The following TUBGCP3 variants were observed in gnomAD, a reference collection of about 807,000 sequenced individuals.
TUBGCP3 encodes gamma-tubulin complex component 3.
In TUBGCP3, 50 loss-of-function variants were observed where a neutral mutation model predicts 123.1. The observed-to-expected ratio is 0.41, with a 90% CI of 0.32 to 0.51. The LOEUF (loss-of-function observed/expected upper bound fraction) is 0.51, where lower values mean the gene tolerates loss of function less well. TUBGCP3 is among the 20% of genes least tolerant of loss of function. The pLI, the probability that TUBGCP3 is intolerant of heterozygous loss-of-function variation, is 0.36. For synonymous variants in TUBGCP3, 405 were observed against 413.9 expected, an observed-to-expected ratio of 0.98 and a Z score of 0.26; for missense variants, 882 against 1,127.0, an observed-to-expected ratio of 0.78 and a Z score of 3.11.
chr13:112,489,835 A>G (rs1262824260), intron 20 of TUBGCP3, 138 bp from the exon 21 acceptor site: 3 of 642,918 alleles, frequency 4.7e-6, no homozygotes, highest in Non-Finnish European at 8.2e-6. Flanking sequence ...CTTTCACAAT[A>G]ATTTTCTGAT....
intron 19 of TUBGCP3, among the ~76,000 whole-genome samples, 191 bp from the exon 20 acceptor site, chr13:112,499,376 G>A (rs566785387): frequency 6.6e-6 from 1 of 152,288 alleles, no homozygotes; most frequent in South Asian, 2.1e-4. Context: ...GCTGTGCTGG[G>A]CACCAGCAAA....
At chr13:112,490,023 T>C (rs1879971349) in intron 20 of TUBGCP3, among the ~76,000 whole-genome samples, 1 of 152,090 alleles carries the variant, frequency 6.6e-6, no homozygotes, top group Non-Finnish European at 1.5e-5. Flanking sequence ...CCTCGTGCTG[T>C]ACACGTTTTT....
rs1470624963 is a variant in TUBGCP3, at chr13:112,508,115, G to T, written c.2087-3401C>A. ...TCACTCCCAGCCTCAGCATCCCGCA[G>T]CCCTGGCCCCACCAGGTTTGCATTG... On this transcript the variant is annotated intron_variant, in intron 17 of 21. Transcript: ENST00000261965. The surrounding 1 kb of genome is among the most constrained non-coding windows in gnomAD (Gnocchi z 4.2). 1.3e-5 allele frequency among the ~76,000 whole-genome samples: 2 copies of T among 152,066 alleles called. No individual in the cohort carries two copies. The highest frequency in any genetic ancestry group is 4.8e-5 in the African/African-American group (2 of 41,402).
rs1876433704 is a variant in TUBGCP3, at chr13:112,519,498, C to T, written c.1881+388G>A. ...CCTACCAAACTGCAACTAAAAGCATCCATTTTCTGATAAATACCATCGTAC... is the reference window on the plus strand; with the variant it reads ...CCTACCAAACTGCAACTAAAAGCATTCATTTTCTGATAAATACCATCGTAC... On this transcript the variant is annotated intron_variant, in intron 15 of 21. Coordinates refer to ENST00000261965, the MANE Select transcript of TUBGCP3 (RefSeq NM_006322.6). This position sits in a 1 kb window ranked among gnomAD's most constrained non-coding sequence, Gnocchi z 6.2. 6.6e-6 allele frequency among the ~76,000 whole-genome samples: 1 copy of T among 152,224 alleles called. No individual in the cohort carries two copies. The highest frequency in any genetic ancestry group is 2.4e-5 in the African/African-American group (1 of 41,456).
chr13:112,499,965 T>C (rs1355020229), intron 19 of TUBGCP3, among the ~76,000 whole-genome samples: 3 of 151,764 alleles, frequency 2.0e-5, no homozygotes, highest in Non-Finnish European at 4.4e-5. Context: ...ATAGAGCAAA[T>C]ACATTAAAGC....
At chr13:112,487,859 T>C (rs771597563) in intron 21 of TUBGCP3, among the ~76,000 whole-genome samples, 6 of 152,086 alleles carry the variant, frequency 3.9e-5, no homozygotes, top group East Asian at 1.9e-4. Flanking sequence ...GGGCCGGGCA[T>C]GGTGGCTCAT....
intron 8 of TUBGCP3, among the ~76,000 whole-genome samples, chr13:112,551,038 G>A (rs1879533970): frequency 6.6e-6 from 1 of 152,160 alleles, no homozygotes; most frequent in Non-Finnish European, 1.5e-5. Context: ...GGCGGAGCTT[G>A]CAGTGAGCCG....
intron 1 of TUBGCP3, 115 bp downstream of exon 1, chr13:112,587,790 C>T (rs755220291): frequency 3.2e-6 from 3 of 941,824 alleles, no homozygotes; most frequent in Non-Finnish European, 4.5e-6. Flanking sequence ...GTCCCCCAGC[C>T]CTCTGCCCGG....
chr13:112,566,610 A>G (rs575793577), intron 2 of TUBGCP3, among the ~76,000 whole-genome samples: 3 of 152,382 alleles, frequency 2.0e-5, no homozygotes, highest in South Asian at 2.1e-4. Context: ...AAAATTTAAT[A>G]TAATTTACTG....
intron 8 of TUBGCP3, 59 bp downstream of exon 8, chr13:112,553,998 T>A: frequency 1.3e-6 from 2 of 1,575,224 alleles, no homozygotes; most frequent in Non-Finnish European, 1.7e-6. Context: ...AGATTTCAAC[T>A]AGAGTAAGCG....
chr13:112,516,717 G>T, intron 16 of TUBGCP3, 142 bp from the exon 17 acceptor site: 2 of 995,820 alleles, frequency 2.0e-6, no homozygotes, highest in Non-Finnish European at 2.8e-6. Flanking sequence ...AGTAACAGAA[G>T]GCAGGCATTT....
intron 7 of TUBGCP3, 86 bp downstream of exon 7, chr13:112,554,801 A>G (rs750588965): frequency 7.3e-5 from 67 of 922,882 alleles, no homozygotes; most frequent in Non-Finnish European, 1.0e-4. Flanking sequence ...CCCCAGTACC[A>G]CCTTATCAAT....
intron 13 of TUBGCP3, among the ~76,000 whole-genome samples, chr13:112,523,844 T>C (rs1488300927): frequency 5.9e-5 from 9 of 152,228 alleles, no homozygotes; most frequent in Non-Finnish European, 1.3e-4. Flanking sequence ...TCTTCATAAC[T>C]TTTTCACAGA....
intron 11 of TUBGCP3, among the ~76,000 whole-genome samples, chr13:112,533,797 TTC>T (rs1459493402): frequency 4.2e-5 from 6 of 143,860 alleles, no homozygotes; most frequent in Admixed American, 2.7e-4. Flanking sequence ...CTAAGAGAAT[TTC>T]TTTTTTTTTT....
intron 11 of TUBGCP3, among the ~76,000 whole-genome samples, chr13:112,529,042 AG>A (rs1033459971): frequency 4.0e-5 from 6 of 151,836 alleles, no homozygotes; most frequent in Admixed American, 1.3e-4. Context: ...TGGTAGAGAC[AG>A]GGTTTCACCA....
the TUBGCP3 span, among the ~76,000 whole-genome samples, chr13:112,593,880 A>C: frequency 6.6e-6 from 1 of 152,198 alleles, no homozygotes; most frequent in Admixed American, 6.5e-5. Flanking sequence ...GTCCATGGTG[A>C]AACTAAAAAT....
chr13:112,554,682 A>T (rs1879878330), intron 7 of TUBGCP3, among the ~76,000 whole-genome samples: 1 of 152,192 alleles, frequency 6.6e-6, no homozygotes, highest in East Asian at 1.9e-4. Context: ...GAAAGGAGGC[A>T]CACATTAATC....
chr13:112,605,183 C>T, the TUBGCP3 span: 1 of 152,294 alleles, frequency 6.6e-6, no homozygotes, highest in South Asian at 2.1e-4. Flanking sequence ...GTGGCAGGCA[C>T]CTGTAATCCC....
At chr13:112,544,226 G>GCT (rs1878775734) in intron 11 of TUBGCP3, among the ~76,000 whole-genome samples, 1 of 151,906 alleles carries the variant, frequency 6.6e-6, no homozygotes, top group Admixed American at 6.6e-5. Context: ...GGCCAAGGCG[G>GCT]GCAGATCACA....
Sources: allele counts gnomAD v4.1 joint callset (sites outside exome capture counted in the v4.1 genomes callset), GRCh38; gene constraint gnomAD v4.1.1; non-coding constraint Gnocchi (gnomAD v3.1); transcripts MANE v1.5; gene names NCBI Gene and HGNC (gene_info 2026-07-23, HGNC 2026-07-21).